CCDC148: variants seen among roughly 807,000 people sequenced by gnomAD.
CCDC148 encodes the protein coiled-coil domain-containing protein 148.
In CCDC148, 89 loss-of-function variants were observed where a neutral mutation model predicts 85.7. That is an observed-to-expected ratio of 1.04 (90% CI 0.87 to 1.24). The LOEUF (loss-of-function observed/expected upper bound fraction) is 1.24. Among genes scored for constraint, CCDC148 ranks in the 50% most tolerant of loss-of-function variants. The pLI is 0.00. For synonymous variants in CCDC148, 230 were observed against 213.9 expected (o/e 1.08, Z -0.66); for missense variants, 692 against 671.7 (o/e 1.03, Z -0.33).
chr2:158,281,086 A>G (rs915015600), intron 9 of CCDC148, among the ~76,000 whole-genome samples: 25 of 152,206 alleles, frequency 1.6e-4, no homozygotes, highest in Non-Finnish European at 3.4e-4. Context: ...CGACGAGAAC[A>G]AAGACACAAC....
chr2:158,245,958 G>A (rs1475904807), intron 10 of CCDC148, among the ~76,000 whole-genome samples: 3 of 152,162 alleles, frequency 2.0e-5, no homozygotes, highest in African/African-American at 7.2e-5. Flanking sequence ...TTCAACTTGA[G>A]TTTTAAAGCA....
chr2:158,208,144 A>T (rs1686350907), intron 11 of CCDC148, among the ~76,000 whole-genome samples: 1 of 152,138 alleles, frequency 6.6e-6, no homozygotes, highest in Non-Finnish European at 1.5e-5. Flanking sequence ...GACCCTAGGG[A>T]TCTTGGATTT....
Position 158,338,849 on chromosome 2 carries a change from A to G in CCDC148, c.641T>C (p.Leu214Ser), listed in dbSNP as rs112134546. The change falls in exon 7 of 14, where the codon TTA (leucine) becomes TCA (serine). Residue 214 changes from leucine (L) to serine (S), a missense_variant. Leu to Ser is a moderately radical substitution (Grantham distance 145). Transcript: ENST00000283233. ...AGGGTATGGGCATTCCAAACTTTCT[A>G]ATTCAATGGGCAGTTCACTAAGCGG... ...TNPLSELPIELESLECPYPDL... is the reference protein window; with the variant it reads ...TNPLSELPIESESLECPYPDL... The G allele has an allele frequency of 1.4e-5, 22 of 1,612,758 alleles. No homozygotes were observed. The highest frequency in any genetic ancestry group is 1.3e-4 in the African/African-American group (10 of 74,938).
At chr2:158,345,083 C>T (rs1179524571) in intron 3 of CCDC148, 132 bp downstream of exon 3, 3 of 568,720 alleles carry the variant, frequency 5.3e-6, no homozygotes, top group Non-Finnish European at 9.0e-6. Context: ...TTTAATTTGA[C>T]TCACATTCAA....
intron 11 of CCDC148, among the ~76,000 whole-genome samples, chr2:158,194,824 A>G (rs1431269883): frequency 6.6e-6 from 1 of 151,858 alleles, no homozygotes; most frequent in Non-Finnish European, 1.5e-5. Context: ...TTTATTTTGA[A>G]TGGTCCCATG....
At chr2:158,172,344 A>G in intron 13 of CCDC148, 85 bp from the exon 14 acceptor site, 1 of 1,101,710 alleles carries the variant, frequency 9.1e-7, no homozygotes, top group Non-Finnish European at 1.3e-6. Context: ...TCCCAAACTA[A>G]TTTGTTTTTA....
At chr2:158,444,723 C>T (rs1479884703) in intron 1 of CCDC148, among the ~76,000 whole-genome samples, 2 of 139,534 alleles carry the variant, frequency 1.4e-5, no homozygotes, top group Non-Finnish European at 3.0e-5. Flanking sequence ...AGGTTTAGAC[C>T]GCAGGGAGCT....
chr2:158,230,440 A>T (rs1481981065), intron 10 of CCDC148, among the ~76,000 whole-genome samples: 1 of 152,212 alleles, frequency 6.6e-6, no homozygotes. Flanking sequence ...GGAGGGGAGT[A>T]CATTGGGAAG....
intron 1 of CCDC148, among the ~76,000 whole-genome samples, chr2:158,433,309 A>G (rs1239365598): frequency 7.0e-6 from 1 of 142,838 alleles, no homozygotes; most frequent in African/African-American, 2.6e-5. Context: ...GAAAAACAAT[A>G]CAGTGGACTT....
chr2:158,429,600 A>G (rs1223049408), intron 1 of CCDC148, among the ~76,000 whole-genome samples: 2 of 152,244 alleles, frequency 1.3e-5, no homozygotes, highest in Non-Finnish European at 1.5e-5. Context: ...AAGTGCATAC[A>G]TAAACAAAAA....
chr2:158,283,576 A>G (rs1359190205), intron 9 of CCDC148, among the ~76,000 whole-genome samples: 2 of 152,246 alleles, frequency 1.3e-5, no homozygotes, highest in Non-Finnish European at 2.9e-5. Context: ...CTACAATGAG[A>G]TACTATCTCA....
intron 1 of CCDC148, among the ~76,000 whole-genome samples, chr2:158,390,909 C>A (rs1559115432): frequency 6.6e-6 from 1 of 152,182 alleles, no homozygotes; most frequent in Non-Finnish European, 1.5e-5. Flanking sequence ...AGCATCTCCA[C>A]AGAGCACCAA....
intron 9 of CCDC148, among the ~76,000 whole-genome samples, chr2:158,277,836 T>C (rs774791784): frequency 1.3e-5 from 2 of 152,296 alleles, no homozygotes; most frequent in East Asian, 1.9e-4. Context: ...GACCTTGTGA[T>C]CCGCCCACTT....
At chr2:158,352,077 C>T (rs1379341756) in intron 2 of CCDC148, among the ~76,000 whole-genome samples, 11 of 143,312 alleles carry the variant, frequency 7.7e-5, no homozygotes, top group Admixed American at 4.9e-4. Flanking sequence ...CCCATCTGTA[C>T]ATCACCATCA....
At position 158,395,184 on chromosome 2, in the gene CCDC148, G is replaced by A. The variant is rs561229250; in HGVS notation, c.26-36614C>T. On this transcript the variant is annotated intron_variant, in intron 1 of 13. Coordinates refer to ENST00000283233, the MANE Select transcript of CCDC148 (RefSeq NM_138803.4). ...AATAATATGGTTTTGTCTAGTTGAG[G>A]GGACAGATCTAGGCAAAAGGTAACA... is the stretch of plus-strand genomic sequence containing the variant. 7.2e-5 allele frequency among the ~76,000 whole-genome samples: 11 copies of A among 152,120 alleles called. No homozygotes were observed. In the East Asian group the frequency reaches 2.1e-3, roughly 29 times the overall value.
intron 7 of CCDC148, among the ~76,000 whole-genome samples, chr2:158,331,512 G>A (rs1244807151): frequency 2.6e-5 from 4 of 152,194 alleles, no homozygotes; most frequent in Non-Finnish European, 4.4e-5. Flanking sequence ...TTCTGTAGAT[G>A]TCTATTATGT....
intron 3 of CCDC148, among the ~76,000 whole-genome samples, chr2:158,341,033 C>T (rs1682660393): frequency 6.6e-6 from 1 of 151,962 alleles, no homozygotes; most frequent in African/African-American, 2.4e-5. Flanking sequence ...GAGATGTGAG[C>T]AATAGAGATG....
chr2:158,270,825 A>T (rs1051013304), intron 9 of CCDC148, among the ~76,000 whole-genome samples: 21 of 152,172 alleles, frequency 1.4e-4, no homozygotes, highest in Admixed American at 1.4e-3. Flanking sequence ...AATTATAGAA[A>T]GCACTCTTAG....
chr2:158,291,550 A>T (rs1690895925), intron 9 of CCDC148, among the ~76,000 whole-genome samples: 2 of 152,136 alleles, frequency 1.3e-5, no homozygotes, highest in South Asian at 4.2e-4. Flanking sequence ...TACCAATCCT[A>T]TCCTTGAGCA....
Sources: allele counts gnomAD v4.1 joint callset (sites outside exome capture counted in the v4.1 genomes callset), GRCh38; gene constraint gnomAD v4.1.1; transcripts MANE v1.5; gene names NCBI Gene and HGNC (gene_info 2026-07-23, HGNC 2026-07-21).